Variants in ADCY8 observed in about 807,000 individuals in gnomAD.
The protein encoded by ADCY8 is adenylate cyclase 8, also known as adenylate cyclase type 8.
ADCY8 carries 51 observed loss-of-function variants against 119.7 expected under a neutral mutation model. That is an observed-to-expected ratio of 0.43 (90% CI 0.34 to 0.54). The LOEUF (loss-of-function observed/expected upper bound fraction) is 0.54, where lower values mean the gene tolerates loss of function less well. Ranked by LOEUF, ADCY8 falls within the 20% of genes least tolerant of loss-of-function variation. The pLI is 0.03. For missense variants in ADCY8, 1,383 were observed against 1,598.8 expected, an observed-to-expected ratio of 0.87 and a Z score of 2.30; for synonymous variants, 665 against 651.0, an observed-to-expected ratio of 1.02 and a Z score of -0.33.
At chr8:130,984,286 C>T (rs1822329856) in intron 2 of ADCY8, among the ~76,000 whole-genome samples, 1 of 152,112 alleles carries the variant, frequency 6.6e-6, no homozygotes, top group Non-Finnish European at 1.5e-5. Flanking sequence ...GGAGGAAGCA[C>T]ATTCTTACCC....
At chr8:130,999,117 C>A (rs1182110246) in intron 1 of ADCY8, among the ~76,000 whole-genome samples, 2 of 152,150 alleles carry the variant, frequency 1.3e-5, no homozygotes, top group African/African-American at 4.8e-5. Context: ...CTTGTGTCCA[C>A]CGTCTCTTAT....
At position 130,819,111 on chromosome 8, in the gene ADCY8, T is replaced by C. The variant is rs143675276; in HGVS notation, c.2754+2231A>G. 1.9e-3 allele frequency among the ~76,000 whole-genome samples: 297 copies of C among 152,316 alleles called. 1 individual carries two copies. Among genetic ancestry groups the C allele is most frequent in the African/African-American group, 7.0e-3 (289 of 41,582 alleles). ...GTAGAACTTGTTATTATCATACCCATTTTACAGGTGAGGAAACTGAAAATC... is the reference window on the plus strand; with the variant it reads ...GTAGAACTTGTTATTATCATACCCACTTTACAGGTGAGGAAACTGAAAATC... On this transcript the variant is annotated intron_variant, in intron 13 of 17. Coordinates refer to ENST00000286355, the MANE Select transcript of ADCY8 (RefSeq NM_001115.3).
At chr8:131,035,469 G>A (rs540866135) in intron 1 of ADCY8, among the ~76,000 whole-genome samples, 11 of 152,254 alleles carry the variant, frequency 7.2e-5, no homozygotes, top group African/African-American at 2.6e-4. Flanking sequence ...TCTCTTTGCT[G>A]ATGGCAGGGA....
At chr8:130,999,115 C>T (rs13261265) in intron 1 of ADCY8, among the ~76,000 whole-genome samples, 3,704 of 152,172 alleles carry the variant, frequency 0.024, 49 homozygotes, top group East Asian at 0.056. Context: ...AGCTTGTGTC[C>T]ACCGTCTCTT....
chr8:131,028,839 G>A (rs1287287382), intron 1 of ADCY8, among the ~76,000 whole-genome samples: 1 of 152,186 alleles, frequency 6.6e-6, no homozygotes, highest in Non-Finnish European at 1.5e-5. Flanking sequence ...CGGGTATGGA[G>A]TACCAGGAGT....
At chr8:130,806,033 T>C (rs1159547278) in intron 14 of ADCY8, among the ~76,000 whole-genome samples, 2 of 152,154 alleles carry the variant, frequency 1.3e-5, no homozygotes, top group African/African-American at 4.8e-5. Flanking sequence ...CTCCCCGGCA[T>C]TTCCCCACAG....
At chr8:130,981,819 T>A (rs572359653) in intron 2 of ADCY8, among the ~76,000 whole-genome samples, 2 of 152,198 alleles carry the variant, frequency 1.3e-5, no homozygotes, top group Non-Finnish European at 2.9e-5. Context: ...ATGGCCTGGG[T>A]GATCCAACAG....
intron 7 of ADCY8, 82 bp downstream of exon 7, chr8:130,903,690 C>T: frequency 6.8e-7 from 1 of 1,466,578 alleles, no homozygotes; most frequent in Non-Finnish European, 9.3e-7. Flanking sequence ...AAAGATGAAT[C>T]AGTTTTCTCT....
rs183658913 is a variant in ADCY8 at position 130,812,837 on chromosome 8, C to T, written c.2913+1232G>A. Among the ~76,000 whole-genome samples the T allele has an allele frequency of 2.3e-3, 346 of 152,134 alleles. 1 individual carries two copies. The highest frequency in any genetic ancestry group is 8.0e-3 in the African/African-American group (332 of 41,504). ...GTATAGATATTGATATATAAATATA[C>T]ACACATGTATCACACATATATGCAT... is the stretch of plus-strand genomic sequence containing the variant. On this transcript the variant is annotated intron_variant, in intron 14 of 17. Transcript: ENST00000286355.
At chr8:131,000,497 T>C (rs1418590397) in intron 1 of ADCY8, among the ~76,000 whole-genome samples, 1 of 152,188 alleles carries the variant, frequency 6.6e-6, no homozygotes, top group Non-Finnish European at 1.5e-5. Context: ...TCATCCAAAG[T>C]GCCTTGCATA....
chr8:130,782,661 T>C (rs1815121852), intron 17 of ADCY8, among the ~76,000 whole-genome samples: 2 of 152,206 alleles, frequency 1.3e-5, no homozygotes, highest in Admixed American at 1.3e-4. Flanking sequence ...ATTTCAGAAA[T>C]GACATTGATA....
chr8:130,966,851 A>G (rs1190212360), intron 2 of ADCY8, among the ~76,000 whole-genome samples: 2 of 152,206 alleles, frequency 1.3e-5, no homozygotes, highest in East Asian at 3.9e-4. Context: ...ATTAGATAGC[A>G]TCTAGCACAT....
At chr8:130,978,711 A>T (rs1462362859) in intron 2 of ADCY8, among the ~76,000 whole-genome samples, 1 of 152,186 alleles carries the variant, frequency 6.6e-6, no homozygotes, top group Non-Finnish European at 1.5e-5. Flanking sequence ...TGTTACAAAA[A>T]AATTCTATTT....
chr8:130,914,304 G>T (rs149365948), intron 5 of ADCY8, among the ~76,000 whole-genome samples: 297 of 152,282 alleles, frequency 2.0e-3, no homozygotes, highest in African/African-American at 6.7e-3. Context: ...AAAGTGCTTT[G>T]CCAGCTAATG....
chr8:130,876,751 G>T (rs1034641221), intron 8 of ADCY8, among the ~76,000 whole-genome samples: 1 of 152,022 alleles, frequency 6.6e-6, no homozygotes, highest in African/African-American at 2.4e-5. Context: ...TAAAAGAAAT[G>T]TTCATGGTTT....
intron 1 of ADCY8, among the ~76,000 whole-genome samples, chr8:131,006,994 A>T: frequency 6.6e-6 from 1 of 152,232 alleles, no homozygotes; most frequent in Non-Finnish European, 1.5e-5. Flanking sequence ...GAGGAAAAAG[A>T]TATCATGTCC....
chr8:131,022,079 G>C (rs910301446), intron 1 of ADCY8, among the ~76,000 whole-genome samples: 1 of 152,142 alleles, frequency 6.6e-6, no homozygotes, highest in Non-Finnish European at 1.5e-5. Flanking sequence ...GATATATTAT[G>C]TAATGATTCT....
At chr8:130,936,567 C>T (rs1820793525) in intron 5 of ADCY8, among the ~76,000 whole-genome samples, 2 of 152,198 alleles carry the variant, frequency 1.3e-5, no homozygotes. Flanking sequence ...CTCCCCTCCA[C>T]TTCCAAGATC....
At chr8:131,012,375 C>T (rs560899765) in intron 1 of ADCY8, among the ~76,000 whole-genome samples, 13 of 152,262 alleles carry the variant, frequency 8.5e-5, no homozygotes, top group Middle Eastern at 3.4e-3. Flanking sequence ...TAATGTACAT[C>T]GGTTGGTGCC....
Sources: gnomAD v4.1 joint callset for allele counts (sites outside exome capture counted in the v4.1 genomes callset) on GRCh38, gnomAD v4.1.1 for gene constraint, MANE v1.5 for transcripts, NCBI Gene and HGNC (gene_info 2026-07-23, HGNC 2026-07-21) for gene names.